USH2A: variants seen among roughly 807,000 people sequenced by gnomAD.
USH2A encodes the protein usherin.
Under a neutral mutation model 538.9 loss-of-function variants are expected in USH2A, and 443 were observed. That is an observed-to-expected ratio of 0.82 (90% CI 0.76 to 0.89). The LOEUF (loss-of-function observed/expected upper bound fraction) is 0.89, where lower values mean the gene tolerates loss of function less well. Ranked by LOEUF, USH2A falls within the 40% of genes least tolerant of loss-of-function variation. The probability of loss-of-function intolerance (pLI) is 0.00; values close to 1 mark genes in which losing one functional copy is unlikely to be tolerated. For missense variants in USH2A, 6,633 were observed against 6,324.8 expected, an observed-to-expected ratio of 1.05 and a Z score of -1.65; for synonymous variants, 2,413 against 2,273.5, an observed-to-expected ratio of 1.06 and a Z score of -1.75.
chr1:215,801,271 T>G (rs1177879237), intron 49 of USH2A, among the ~76,000 whole-genome samples: 1 of 151,772 alleles, frequency 6.6e-6, no homozygotes, highest in African/African-American at 2.4e-5. Flanking sequence ...TACATAATAT[T>G]GGATATTATG....
At chr1:216,341,750 A>G (rs965972452) in intron 4 of USH2A, among the ~76,000 whole-genome samples, 1 of 152,162 alleles carries the variant, frequency 6.6e-6, no homozygotes, top group Non-Finnish European at 1.5e-5. Flanking sequence ...TGGGGAAAAG[A>G]TTCCCTATTT....
chr1:216,003,653 C>T lies in USH2A; in HGVS notation c.6326-3091G>A, dbSNP rs537885940. Among the ~76,000 whole-genome samples, 162 of 152,146 alleles carry T rather than the reference C, an allele frequency of 1.1e-3. 1 individual carries two copies. Among genetic ancestry groups the T allele is most frequent in the African/African-American group, 3.8e-3 (159 of 41,528 alleles). ...GGAGGCTGAGGTGGCTGGAGCAGAACAAATTAGGAAGAAGTAAGTTAGAGA... is the reference window on the plus strand; with the variant it reads ...GGAGGCTGAGGTGGCTGGAGCAGAATAAATTAGGAAGAAGTAAGTTAGAGA... On this transcript the variant is annotated intron_variant, in intron 32 of 71. Transcript: ENST00000307340.
At chr1:216,130,078 A>G (rs1174790611) in intron 21 of USH2A, among the ~76,000 whole-genome samples, 2 of 152,124 alleles carry the variant, frequency 1.3e-5, no homozygotes, top group Admixed American at 6.6e-5. Flanking sequence ...TAAAGACTCA[A>G]ATGTAAGACC....
chr1:216,084,910 AT>A, intron 24 of USH2A, 33 bp from the exon 25 acceptor site: 1 of 1,598,702 alleles, frequency 6.3e-7, no homozygotes, highest in Non-Finnish European at 8.6e-7. Context: ...AGAAATATAT[AT>A]TTTGAAAGAT....
Position 215,725,117 on chromosome 1 carries a change from G to A in USH2A, c.12066+2913C>T, listed in dbSNP as rs2820714. Among the ~76,000 whole-genome samples, 11 of 152,012 alleles carry A rather than the reference G, an allele frequency of 7.2e-5. No individual in the cohort carries two copies. The South Asian group carries it at 1.5e-3, about 20-fold the overall frequency. On this transcript the variant is annotated intron_variant, in intron 61 of 71. Transcript: ENST00000307340. Reference sequence around the variant, plus strand: ...GGCATGATCTTGGCTCACTGCAACCGTGGCCTCCTGGGTTCAAGCAATTCT... The same window carrying A: ...GGCATGATCTTGGCTCACTGCAACCATGGCCTCCTGGGTTCAAGCAATTCT...
chr1:216,169,844 T>C (rs1479004054), intron 21 of USH2A, among the ~76,000 whole-genome samples: 1 of 152,172 alleles, frequency 6.6e-6, no homozygotes, highest in Non-Finnish European at 1.5e-5. Context: ...TAGATTATTA[T>C]ATTTGTTTTT....
chr1:216,141,011 T>G (rs1007055872), intron 21 of USH2A, among the ~76,000 whole-genome samples: 3 of 152,224 alleles, frequency 2.0e-5, no homozygotes, highest in African/African-American at 7.2e-5. Context: ...GGAGATTTAC[T>G]TCTTTGCATT....
rs1325147548 is a variant in USH2A at position 215,954,042 on chromosome 1, A to G, written c.7120+11275T>C. On this transcript the variant is annotated intron_variant, in intron 37 of 71. Transcript: ENST00000307340. ...CCATCTGACACCAGTTAGGATGGCA[A>G]TCATTAAAAAGTCAGGAAACAACAG... Among the ~76,000 whole-genome samples, 4 of 152,324 alleles carry G rather than the reference A, an allele frequency of 2.6e-5. No homozygotes were observed. The East Asian group carries it at 7.7e-4, about 29-fold the overall frequency.
intron 34 of USH2A, among the ~76,000 whole-genome samples, chr1:215,994,400 T>C (rs955405399): frequency 6.6e-6 from 1 of 152,042 alleles, no homozygotes; most frequent in Non-Finnish European, 1.5e-5. Flanking sequence ...TTTTTTTAAA[T>C]ATGGGAGTAC....
intron 11 of USH2A, among the ~76,000 whole-genome samples, chr1:216,260,396 C>A (rs1224284554): frequency 6.6e-6 from 1 of 152,104 alleles, no homozygotes; most frequent in Non-Finnish European, 1.5e-5. Context: ...AGTAAGAGGA[C>A]ACACACAGGT....
At chr1:216,227,056 C>T (rs1327338399) in intron 14 of USH2A, among the ~76,000 whole-genome samples, 1 of 152,118 alleles carries the variant, frequency 6.6e-6, no homozygotes, top group Non-Finnish European at 1.5e-5. Flanking sequence ...CACCACTGAC[C>T]CCTCCCTTTT....
At chr1:215,795,656 A>G (rs1571694051) in intron 50 of USH2A, among the ~76,000 whole-genome samples, 1 of 152,132 alleles carries the variant, frequency 6.6e-6, no homozygotes, top group East Asian at 1.9e-4. Flanking sequence ...ACACTTTTGC[A>G]CCCTCCCTGC....
chr1:216,321,732 T>C (rs1014390614), intron 9 of USH2A, 151 bp downstream of exon 9: 1 of 722,518 alleles, frequency 1.4e-6, no homozygotes, highest in Non-Finnish European at 2.3e-6. Context: ...GCTGTTATTT[T>C]TCTTAAAAAA....
chr1:216,224,488 A>C (rs1172981457), intron 14 of USH2A, among the ~76,000 whole-genome samples: 1 of 152,138 alleles, frequency 6.6e-6, no homozygotes, highest in Non-Finnish European at 1.5e-5. Flanking sequence ...TAATGTTTGC[A>C]CTAGGATCAG....
At chr1:216,407,804 T>C (rs2039420365) in intron 3 of USH2A, among the ~76,000 whole-genome samples, 1 of 152,022 alleles carries the variant, frequency 6.6e-6, no homozygotes, top group South Asian at 2.1e-4. Context: ...TAGGTGAAAA[T>C]GATATAATAT....
chr1:216,044,144 A>T (rs1430400614), intron 32 of USH2A, among the ~76,000 whole-genome samples: 1 of 152,136 alleles, frequency 6.6e-6, no homozygotes. Flanking sequence ...CGATGAACAA[A>T]CAAACAGTCC....
At chr1:216,162,594 G>A (rs1171453018) in intron 21 of USH2A, among the ~76,000 whole-genome samples, 1 of 152,004 alleles carries the variant, frequency 6.6e-6, no homozygotes, top group Non-Finnish European at 1.5e-5. Flanking sequence ...AGATTACCTC[G>A]ACCTTACTCA....
chr1:215,726,093 A>T (rs2820715), intron 61 of USH2A, among the ~76,000 whole-genome samples: 1 of 152,004 alleles, frequency 6.6e-6, no homozygotes, highest in Non-Finnish European at 1.5e-5. Flanking sequence ...TTCAATAAAA[A>T]CATATTTAAA....
chr1:215,697,513 A>C (rs1658858677), intron 61 of USH2A, among the ~76,000 whole-genome samples: 1 of 125,056 alleles, frequency 8.0e-6, no homozygotes, highest in African/African-American at 2.9e-5. Flanking sequence ...GCTTTTAAAA[A>C]ATTTTTTATT....
Sources: gnomAD v4.1 joint callset for allele counts (sites outside exome capture counted in the v4.1 genomes callset) on GRCh38, gnomAD v4.1.1 for gene constraint, MANE v1.5 for transcripts, NCBI Gene and HGNC (gene_info 2026-07-23, HGNC 2026-07-21) for gene names.